Variants in ARHGAP10 observed in about 807,000 individuals in gnomAD.
ARHGAP10 encodes rho GTPase-activating protein 10.
A neutral mutation model predicts 108.6 loss-of-function variants in ARHGAP10; 87 were observed. The ratio of observed to expected loss-of-function variants is 0.80; its 90% CI spans 0.67 to 0.96. The LOEUF (loss-of-function observed/expected upper bound fraction) is 0.96. Among genes scored for constraint, ARHGAP10 ranks in the 40% least tolerant of loss-of-function variants. The pLI is 0.00. For synonymous variants in ARHGAP10, 347 were observed against 341.1 expected (o/e 1.02, Z -0.19); for missense variants, 939 against 954.5 (o/e 0.98, Z 0.21).
intron 1 of ARHGAP10, among the ~76,000 whole-genome samples, chr4:147,754,563 C>T (rs910028345): frequency 6.6e-6 from 1 of 152,036 alleles, no homozygotes; most frequent in African/African-American, 2.4e-5. Context: ...GGATGAATTT[C>T]TGTTGTCTTT....
intron 19 of ARHGAP10, among the ~76,000 whole-genome samples, chr4:148,040,801 A>T (rs901651616): frequency 4.7e-5 from 7 of 147,464 alleles, no homozygotes; most frequent in Admixed American, 1.3e-4. Context: ...ATTTTTATTT[A>T]TTAAAAAAGA....
intron 10 of ARHGAP10, among the ~76,000 whole-genome samples, chr4:147,891,154 T>C (rs910860967): frequency 1.3e-5 from 2 of 152,334 alleles, no homozygotes; most frequent in East Asian, 1.9e-4. Context: ...TGAAAGCATA[T>C]GTTTACACAG....
At chr4:147,744,870 C>G (rs896468440) in intron 1 of ARHGAP10, among the ~76,000 whole-genome samples, 2 of 152,036 alleles carry the variant, frequency 1.3e-5, no homozygotes, top group African/African-American at 4.8e-5. Context: ...ATTCTGGAGA[C>G]ACACCATATG....
intron 1 of ARHGAP10, among the ~76,000 whole-genome samples, chr4:147,805,717 A>T (rs750170177): frequency 1.3e-5 from 2 of 152,232 alleles, no homozygotes; most frequent in Non-Finnish European, 2.9e-5. Flanking sequence ...TGGGAGGCTG[A>T]GGTAGGAGGA....
intron 19 of ARHGAP10, among the ~76,000 whole-genome samples, chr4:148,031,581 A>G (rs1728150685): frequency 6.6e-6 from 1 of 152,170 alleles, no homozygotes; most frequent in Non-Finnish European, 1.5e-5. Context: ...CCTGGAGTCA[A>G]CAGACATTGC....
chr4:147,940,145 T>A (rs192714821), intron 14 of ARHGAP10, among the ~76,000 whole-genome samples: 1 of 152,352 alleles, frequency 6.6e-6, no homozygotes, highest in Admixed American at 6.5e-5. Flanking sequence ...ACTATCTTCC[T>A]GTGCTTGCTT....
intron 18 of ARHGAP10, among the ~76,000 whole-genome samples, chr4:148,000,415 A>T (rs184067729): frequency 0.019 from 2,872 of 152,264 alleles, 61 homozygotes; most frequent in South Asian, 0.092. Flanking sequence ...TAGCAGCATG[A>T]TTTATAATCC....
chr4:147,742,765 A>G (rs1381538202), intron 1 of ARHGAP10, among the ~76,000 whole-genome samples: 2 of 152,034 alleles, frequency 1.3e-5, no homozygotes, highest in African/African-American at 4.8e-5. Flanking sequence ...GATTACAGGC[A>G]TGAGCCACTG....
intron 21 of ARHGAP10, among the ~76,000 whole-genome samples, chr4:148,064,166 A>C (rs1016397560): frequency 6.6e-6 from 1 of 152,214 alleles, no homozygotes; most frequent in Non-Finnish European, 1.5e-5. Context: ...GAGGAGAATT[A>C]GGTGAAGTGG....
intron 1 of ARHGAP10, among the ~76,000 whole-genome samples, chr4:147,803,811 C>T (rs549802656): frequency 6.6e-6 from 1 of 152,230 alleles, no homozygotes; most frequent in African/African-American, 2.4e-5. Context: ...TATCTATAGA[C>T]CATGTTTTCT....
At chr4:148,044,708 C>G (rs895229352) in intron 19 of ARHGAP10, among the ~76,000 whole-genome samples, 1 of 152,140 alleles carries the variant, frequency 6.6e-6, no homozygotes. Context: ...GCCAGCCCCT[C>G]GCGTCACTTG....
chr4:147,946,281 C>G (rs1456641605), intron 14 of ARHGAP10: 1 of 208,450 alleles, frequency 4.8e-6, no homozygotes, highest in Non-Finnish European at 9.4e-6. Flanking sequence ...TAAGCCAAGG[C>G]TACTGAGTGA....
intron 13 of ARHGAP10, among the ~76,000 whole-genome samples, chr4:147,928,527 T>A (rs760839039): frequency 2.6e-5 from 4 of 152,168 alleles, no homozygotes; most frequent in Non-Finnish European, 5.9e-5. Flanking sequence ...AACATGCCAG[T>A]GAAAGCAAGA....
intron 3 of ARHGAP10, among the ~76,000 whole-genome samples, chr4:147,844,796 A>T (rs1733569718): frequency 6.6e-6 from 1 of 152,132 alleles, no homozygotes. Flanking sequence ...CTCTTCGTGT[A>T]CCACTCTAGA....
At chr4:147,967,597 G>A (rs996219599) in intron 18 of ARHGAP10, among the ~76,000 whole-genome samples, 1 of 152,158 alleles carries the variant, frequency 6.6e-6, no homozygotes, top group Non-Finnish European at 1.5e-5. Context: ...AATAAGTACT[G>A]TTTATGATTG....
At chr4:147,807,205 G>T (rs575791381) in intron 1 of ARHGAP10, among the ~76,000 whole-genome samples, 50 of 152,182 alleles carry the variant, frequency 3.3e-4, no homozygotes, top group African/African-American at 1.1e-3. Context: ...TTCATGAAAT[G>T]GAGACATAAG....
intron 10 of ARHGAP10, among the ~76,000 whole-genome samples, chr4:147,899,328 C>CGTGT (rs376331684): frequency 6.7e-6 from 1 of 150,222 alleles, no homozygotes; most frequent in Non-Finnish European, 1.5e-5. Context: ...TGTGTGCATG[C>CGTGT]GTGTGTGTGT....
In ARHGAP10 at chr4:147,732,707, G is replaced by A. The variant is rs779348851; in HGVS notation, c.154+252G>A. 8.4e-4 allele frequency among the ~76,000 whole-genome samples: 127 copies of A among 151,948 alleles called. 2 individuals carry two copies. The highest frequency in any genetic ancestry group is 1.4e-3 in the Admixed American group (21 of 15,266). On this transcript the variant is annotated intron_variant, in intron 1 of 22. Transcript: ENST00000336498. ...CGGGAACCAGCTGCCAGCGGGCCCCGCCTGGGCCCCGCCTGGCCCCGGCCG... is the reference window on the plus strand; with the variant it reads ...CGGGAACCAGCTGCCAGCGGGCCCCACCTGGGCCCCGCCTGGCCCCGGCCG...
At chr4:147,965,173 A>G in intron 17 of ARHGAP10, 44 bp downstream of exon 17, 2 of 1,504,208 alleles carry the variant, frequency 1.3e-6, no homozygotes, top group Non-Finnish European at 1.8e-6. Flanking sequence ...ACTTTGCTCT[A>G]GGTGCTGGGT....
Sources: gnomAD v4.1 joint callset for allele counts (sites outside exome capture counted in the v4.1 genomes callset) on GRCh38, gnomAD v4.1.1 for gene constraint, MANE v1.5 for transcripts, NCBI Gene and HGNC (gene_info 2026-07-23, HGNC 2026-07-21) for gene names.